The following CNTN5 variants were observed in gnomAD, a reference collection of about 807,000 sequenced individuals.
CNTN5 encodes the protein contactin 5.
CNTN5 carries 77 observed loss-of-function variants against 129.1 expected under a neutral mutation model. The observed-to-expected ratio is 0.60, with a 90% CI of 0.50 to 0.72. The LOEUF is 0.72. Among genes scored for constraint, CNTN5 ranks in the 30% least tolerant of loss-of-function variants. The probability of loss-of-function intolerance (pLI) is 0.00; values close to 1 mark genes in which losing one functional copy is unlikely to be tolerated. For missense variants in CNTN5, 1,478 were observed against 1,328.8 expected (o/e 1.11, Z -1.75); for synonymous variants, 509 against 465.6 (o/e 1.09, Z -1.20).
At chr11:99,438,946 T>C (rs1943706563) in intron 2 of CNTN5, among the ~76,000 whole-genome samples, 1 of 152,200 alleles carries the variant, frequency 6.6e-6, no homozygotes, top group Admixed American at 6.5e-5. Flanking sequence ...GAACTGGTGA[T>C]ATGTAGTGAA....
intron 13 of CNTN5, among the ~76,000 whole-genome samples, chr11:100,081,668 T>C (rs1008345319): frequency 2.0e-5 from 3 of 152,130 alleles, no homozygotes; most frequent in African/African-American, 7.2e-5. Flanking sequence ...AAAATTGAAA[T>C]TCATGGATTC....
intron 2 of CNTN5, among the ~76,000 whole-genome samples, chr11:99,494,242 A>T (rs370687784): frequency 2.6e-5 from 4 of 152,282 alleles, no homozygotes; most frequent in African/African-American, 9.6e-5. Context: ...ATGCCTCTTA[A>T]TCTTTAGATT....
chr11:99,118,958 G>A (rs1018686000), intron 1 of CNTN5, among the ~76,000 whole-genome samples: 16 of 151,418 alleles, frequency 1.1e-4, no homozygotes, highest in African/African-American at 3.9e-4. Context: ...TTTAATTATG[G>A]TAGATAATAT....
intron 2 of CNTN5, among the ~76,000 whole-genome samples, chr11:99,350,870 G>A (rs1565512436): frequency 1.3e-5 from 2 of 152,008 alleles, no homozygotes; most frequent in African/African-American, 4.8e-5. Context: ...AAAGTGCTTT[G>A]AAAATCCCAG....
At chr11:100,191,505 A>G (rs116908320) in intron 14 of CNTN5, among the ~76,000 whole-genome samples, 2,127 of 152,206 alleles carry the variant, frequency 0.014, 28 homozygotes, top group Non-Finnish European at 0.024. Flanking sequence ...AGAATGAGGC[A>G]AGCTTTCTGA....
intron 2 of CNTN5, among the ~76,000 whole-genome samples, chr11:99,432,439 C>CCTCTT (rs1943412608): frequency 8.8e-6 from 1 of 113,214 alleles, no homozygotes. Flanking sequence ...CCTTTTCTTT[C>CCTCTT]CTTTTCTTTT....
intron 8 of CNTN5, among the ~76,000 whole-genome samples, chr11:99,977,223 G>T (rs915915910): frequency 2.0e-4 from 30 of 152,128 alleles, no homozygotes; most frequent in Non-Finnish European, 8.8e-5. Flanking sequence ...CCTCAGCTTT[G>T]ACTTTATTGT....
chr11:99,321,176 T>A (rs1448386734), intron 1 of CNTN5, among the ~76,000 whole-genome samples: 1 of 150,456 alleles, frequency 6.6e-6, no homozygotes, highest in Non-Finnish European at 1.5e-5. Context: ...TCAGCTCCCA[T>A]AATCACATAA....
chr11:99,800,236 G>A (rs575934993), intron 3 of CNTN5, among the ~76,000 whole-genome samples: 3 of 152,066 alleles, frequency 2.0e-5, no homozygotes, highest in African/African-American at 7.2e-5. Context: ...AGTCATTCAG[G>A]AGAAAATTGT....
chr11:99,796,145 C>T (rs1945930541), intron 3 of CNTN5, among the ~76,000 whole-genome samples: 1 of 152,120 alleles, frequency 6.6e-6, no homozygotes, highest in Admixed American at 6.5e-5. Flanking sequence ...GGCATGGGGA[C>T]ATGGTACTTG....
At chr11:99,036,635 G>T (rs898691028) in intron 1 of CNTN5, among the ~76,000 whole-genome samples, 1 of 151,928 alleles carries the variant, frequency 6.6e-6, no homozygotes, top group Admixed American at 6.6e-5. Context: ...TTAAAATTTT[G>T]CTTTTACTGC....
intron 2 of CNTN5, among the ~76,000 whole-genome samples, chr11:99,488,742 C>A (rs899806390): frequency 2.0e-5 from 3 of 152,120 alleles, no homozygotes; most frequent in African/African-American, 7.2e-5. Flanking sequence ...TCTATGCAAT[C>A]ATTTTACCAA....
intron 3 of CNTN5, among the ~76,000 whole-genome samples, chr11:99,727,688 A>C (rs893407868): frequency 7.3e-4 from 111 of 152,288 alleles, no homozygotes; most frequent in African/African-American, 2.6e-3. Flanking sequence ...AAAAATGAAG[A>C]GATATATGGG....
intron 2 of CNTN5, among the ~76,000 whole-genome samples, chr11:99,400,813 A>C (rs534121888): frequency 7.9e-5 from 12 of 152,182 alleles, no homozygotes; most frequent in African/African-American, 1.9e-4. Context: ...TTTGATTTGC[A>C]TTTCTCTAAT....
intron 10 of CNTN5, among the ~76,000 whole-genome samples, chr11:100,064,400 C>A (rs1943611805): frequency 6.6e-6 from 1 of 152,060 alleles, no homozygotes; most frequent in African/African-American, 2.4e-5. Context: ...TCAGTATCTA[C>A]ATTGTAAACA....
chr11:99,586,553 T>C (rs990748838), intron 3 of CNTN5, among the ~76,000 whole-genome samples: 8 of 152,208 alleles, frequency 5.3e-5, no homozygotes, highest in African/African-American at 1.9e-4. Context: ...AATGAGATAA[T>C]ACTTTTCAAT....
chr11:99,259,950 A>G (rs546294574), intron 1 of CNTN5, among the ~76,000 whole-genome samples: 57 of 151,436 alleles, frequency 3.8e-4, no homozygotes, highest in Non-Finnish European at 6.4e-4. Flanking sequence ...ACCTTTTATC[A>G]TTTTTTCACT....
chr11:100,139,754 C>T (rs1591305009), intron 13 of CNTN5, among the ~76,000 whole-genome samples: 1 of 152,092 alleles, frequency 6.6e-6, no homozygotes, highest in Non-Finnish European at 1.5e-5. Context: ...ACCCCAGCTA[C>T]TCGGGAGGCT....
At chr11:99,856,256 T>A (rs956417280) in intron 6 of CNTN5, among the ~76,000 whole-genome samples, 4 of 152,228 alleles carry the variant, frequency 2.6e-5, no homozygotes, top group African/African-American at 9.6e-5. Context: ...ACAAGTCATC[T>A]TCTGCTTTTT....
Sources: allele counts gnomAD v4.1 joint callset (sites outside exome capture counted in the v4.1 genomes callset), GRCh38; gene constraint gnomAD v4.1.1; transcripts MANE v1.5; gene names NCBI Gene and HGNC (gene_info 2026-07-23, HGNC 2026-07-21).